SCHIP1: variants seen among roughly 807,000 people sequenced by gnomAD.
The protein encoded by SCHIP1 is schwannomin-interacting protein 1.
Under a neutral mutation model 29.7 loss-of-function variants are expected in SCHIP1, and 8 were observed. The observed-to-expected ratio is 0.27, with a 90% CI of 0.16 to 0.49. The LOEUF (loss-of-function observed/expected upper bound fraction) is 0.49. Among genes scored for constraint, SCHIP1 ranks in the 20% least tolerant of loss-of-function variants. SCHIP1 has a pLI of 0.99. For missense variants in SCHIP1, 193 were observed against 294.6 expected (o/e 0.66, Z 2.52); for synonymous variants, 76 against 94.9 (o/e 0.80, Z 1.16).
chr3:159,317,252 A>G, the SCHIP1 span, among the ~76,000 whole-genome samples: 1 of 152,144 alleles, frequency 6.6e-6, no homozygotes, highest in Non-Finnish European at 1.5e-5. Flanking sequence ...CTTCCTTCTT[A>G]GACTGTTGAC....
chr3:159,725,275 T>TC, the SCHIP1 span, among the ~76,000 whole-genome samples: 350 of 150,746 alleles, frequency 2.3e-3, 1 homozygote, highest in African/African-American at 7.5e-3. Flanking sequence ...TTTTTTCTTT[T>TC]TTTTTTTTTT....
At chr3:159,561,083 G>C in the SCHIP1 span, among the ~76,000 whole-genome samples, 15 of 151,482 alleles carry the variant, frequency 9.9e-5, no homozygotes, top group Non-Finnish European at 1.9e-4. Flanking sequence ...TGTTTTTTAT[G>C]ATATTTGTAT....
chr3:159,647,515 C>T, the SCHIP1 span, among the ~76,000 whole-genome samples: 1,184 of 152,236 alleles, frequency 7.8e-3, 19 homozygotes, highest in African/African-American at 0.027. Context: ...CAAACAATAA[C>T]GGTAAGCTTC....
At chr3:159,804,852 G>A in the SCHIP1 span, among the ~76,000 whole-genome samples, 1 of 152,150 alleles carries the variant, frequency 6.6e-6, no homozygotes, top group South Asian at 2.1e-4. Context: ...TTTGCCGTCA[G>A]TTTCATTTAC....
chr3:159,601,209 C>T, the SCHIP1 span, among the ~76,000 whole-genome samples: 1 of 152,142 alleles, frequency 6.6e-6, no homozygotes, highest in Non-Finnish European at 1.5e-5. Context: ...TCTGGGCAGC[C>T]TGCATGGTGT....
At chr3:159,641,502 G>A in the SCHIP1 span, among the ~76,000 whole-genome samples, 2 of 152,070 alleles carry the variant, frequency 1.3e-5, no homozygotes, top group Non-Finnish European at 2.9e-5. Flanking sequence ...ATGGTTTTCT[G>A]TGCCTGGATA....
the SCHIP1 span, among the ~76,000 whole-genome samples, chr3:159,622,401 T>C: frequency 1.3e-5 from 2 of 148,770 alleles, no homozygotes. Context: ...ATACATGATC[T>C]GAAAAGAAAT....
At chr3:159,487,052 C>T in the SCHIP1 span, among the ~76,000 whole-genome samples, 6 of 152,146 alleles carry the variant, frequency 3.9e-5, no homozygotes, top group African/African-American at 1.4e-4. Context: ...GCTGGTGGCA[C>T]CTTCAACAGA....
chr3:159,644,589 T>C, the SCHIP1 span, among the ~76,000 whole-genome samples: 2 of 152,138 alleles, frequency 1.3e-5, no homozygotes, highest in Non-Finnish European at 2.9e-5. Flanking sequence ...TTAGCTAAAA[T>C]GCTCATCTCA....
chr3:159,540,169 TCCTTCATCAAAGAGGGAAAGAGGCCCA>T, the SCHIP1 span, among the ~76,000 whole-genome samples: 1 of 152,070 alleles, frequency 6.6e-6, no homozygotes, highest in Non-Finnish European at 1.5e-5. Flanking sequence ...TTATATCATA[TCCTTCATCAAAGAGGGAAAGAGGCCCA>T]CCTTTTGTAC....
At chr3:159,739,396 C>T in the SCHIP1 span, among the ~76,000 whole-genome samples, 1 of 152,174 alleles carries the variant, frequency 6.6e-6, no homozygotes, top group Non-Finnish European at 1.5e-5. Flanking sequence ...GAAGCTTTTT[C>T]AGTGTCCACA....
At chr3:159,345,312 TAAGA>T in the SCHIP1 span, among the ~76,000 whole-genome samples, 1 of 151,972 alleles carries the variant, frequency 6.6e-6, no homozygotes, top group African/African-American at 2.4e-5. Flanking sequence ...AAAAAATTTT[TAAGA>T]AAGAAAATTG....
At chr3:159,593,857 T>G in the SCHIP1 span, among the ~76,000 whole-genome samples, 3 of 152,234 alleles carry the variant, frequency 2.0e-5, no homozygotes, top group South Asian at 2.1e-4. Flanking sequence ...AAATGTTTCT[T>G]TCTGAAGTAG....
At chr3:159,852,239 T>C (rs1712744654) in intron 1 of SCHIP1, among the ~76,000 whole-genome samples, 1 of 152,234 alleles carries the variant, frequency 6.6e-6, no homozygotes, top group Non-Finnish European at 1.5e-5. Context: ...AGAATCTATA[T>C]TGGAAAATTT....
At chr3:159,532,308 G>A in the SCHIP1 span, among the ~76,000 whole-genome samples, 3 of 151,856 alleles carry the variant, frequency 2.0e-5, no homozygotes, top group Non-Finnish European at 2.9e-5. Flanking sequence ...CTGAATTGGG[G>A]CCTTTTACTG....
the SCHIP1 span, among the ~76,000 whole-genome samples, chr3:159,724,554 G>A: frequency 2.0e-5 from 3 of 152,148 alleles, no homozygotes; most frequent in African/African-American, 7.2e-5. Context: ...TTGACTGCCT[G>A]AGAAATCTTT....
the SCHIP1 span, among the ~76,000 whole-genome samples, chr3:159,307,142 C>G: frequency 6.6e-6 from 1 of 152,042 alleles, no homozygotes; most frequent in Non-Finnish European, 1.5e-5. Context: ...TTGCAGGTAG[C>G]CAATGAAAAT....
At chr3:159,633,138 C>T in the SCHIP1 span, among the ~76,000 whole-genome samples, 1 of 152,146 alleles carries the variant, frequency 6.6e-6, no homozygotes, top group African/African-American at 2.4e-5. Context: ...CTCATAATTT[C>T]AGAATTGAAC....
chr3:159,535,335 A>T, the SCHIP1 span, among the ~76,000 whole-genome samples: 1 of 152,114 alleles, frequency 6.6e-6, no homozygotes, highest in South Asian at 2.1e-4. Flanking sequence ...GTTACTATTC[A>T]AAAGATCTCT....
Sources: allele counts gnomAD v4.1 joint callset (sites outside exome capture counted in the v4.1 genomes callset), GRCh38; gene constraint gnomAD v4.1.1; transcripts MANE v1.5; gene names NCBI Gene and HGNC (gene_info 2026-07-23, HGNC 2026-07-21).